Variants in IL19 observed in about 807,000 individuals in gnomAD.
IL19 encodes the protein interleukin-19.
Under a neutral mutation model 19.5 loss-of-function variants are expected in IL19, and 15 were observed. The observed-to-expected ratio is 0.77, with a 90% CI of 0.52 to 1.19. The LOEUF is 1.19. Among genes scored for constraint, IL19 ranks in the 50% most tolerant of loss-of-function variants. The pLI is 0.00. For synonymous variants in IL19, 78 were observed against 78.3 expected (o/e 1.00, Z 0.02); for missense variants, 199 against 213.1 (o/e 0.93, Z 0.41).
rs1676628921 is a variant in IL19 at position 206,832,212 on chromosome 1, C to T, written c.-2-4449C>T. Among the ~76,000 whole-genome samples the T allele has an allele frequency of 2.6e-5, 4 of 152,260 alleles. 1 individual carries two copies. The South Asian group carries it at 8.3e-4, about 32-fold the overall frequency. Reference sequence around the variant, plus strand: ...TTAGCTCCTAACAAAGGTGTCTTCTCCTTTTCCAGGTGCCTGGCACACAGG... The same window carrying T: ...TTAGCTCCTAACAAAGGTGTCTTCTTCTTTTCCAGGTGCCTGGCACACAGG... On this transcript the variant is annotated intron_variant, in intron 2 of 6. Transcript: ENST00000659997.
chr1:206,784,505 G>T (rs1675220156), intron 1 of IL19, among the ~76,000 whole-genome samples: 1 of 152,184 alleles, frequency 6.6e-6, no homozygotes, highest in Non-Finnish European at 1.5e-5. Context: ...CAGCTTTTGC[G>T]TGTGTTCACC....
chr1:206,801,439 C>T (rs944642982), intron 2 of IL19, among the ~76,000 whole-genome samples: 6 of 152,276 alleles, frequency 3.9e-5, no homozygotes, highest in Non-Finnish European at 7.3e-5. Context: ...GTCCTTGTCT[C>T]TTTCCAGCTC....
chr1:206,771,500 A>ATT (rs796741475), intron 1 of IL19: 11 of 958,684 alleles, frequency 1.1e-5, no homozygotes, highest in African/African-American at 3.4e-5. Flanking sequence ...TCATTTAGAG[A>ATT]TTTTTTTTTT....
intron 1 of IL19, among the ~76,000 whole-genome samples, chr1:206,791,941 G>T (rs994627387): frequency 6.6e-6 from 1 of 152,212 alleles, no homozygotes; most frequent in African/African-American, 2.4e-5. Flanking sequence ...GTGTGTGTGT[G>T]TGTGCATTTA....
chr1:206,821,228 T>G (rs1323311165), intron 2 of IL19, among the ~76,000 whole-genome samples: 3 of 152,260 alleles, frequency 2.0e-5, no homozygotes, highest in Admixed American at 2.0e-4. Flanking sequence ...TGATGACAGG[T>G]TCTGGAAGTT....
chr1:206,827,639 CG>C (rs1205071494), intron 2 of IL19, among the ~76,000 whole-genome samples: 2 of 151,004 alleles, frequency 1.3e-5, no homozygotes, highest in African/African-American at 4.9e-5. Flanking sequence ...TGCAGTGAGC[CG>C]AGATCGTGCC....
intron 2 of IL19, among the ~76,000 whole-genome samples, chr1:206,803,530 A>G (rs1301503795): frequency 6.6e-6 from 1 of 152,174 alleles, no homozygotes; most frequent in East Asian, 1.9e-4. Flanking sequence ...AAAGAGTACA[A>G]GCTGGATGCT....
chr1:206,817,236 C>T (rs1393549726), intron 2 of IL19, among the ~76,000 whole-genome samples: 1 of 152,210 alleles, frequency 6.6e-6, no homozygotes, highest in Non-Finnish European at 1.5e-5. Flanking sequence ...GAAGAGATAA[C>T]TGCGCATGCC....
At chr1:206,786,489 C>A (rs1675272454) in intron 1 of IL19, among the ~76,000 whole-genome samples, 1 of 152,128 alleles carries the variant, frequency 6.6e-6, no homozygotes, top group African/African-American at 2.4e-5. Flanking sequence ...AGGCAAGGTT[C>A]TTGGTGGAGT....
chr1:206,794,097 T>G (rs548235131), intron 1 of IL19, among the ~76,000 whole-genome samples: 81 of 152,306 alleles, frequency 5.3e-4, no homozygotes, highest in South Asian at 1.2e-3. Context: ...TTGGACACCA[T>G]GGCCAGGCCA....
chr1:206,800,156 G>GCCTTCTA (rs1405174914), intron 2 of IL19, among the ~76,000 whole-genome samples: 1 of 152,220 alleles, frequency 6.6e-6, no homozygotes, highest in Non-Finnish European at 1.5e-5. Flanking sequence ...TTTATTGAGT[G>GCCTTCTA]CCTTCTACAC....
chr1:206,833,631 G>A (rs41303269), intron 2 of IL19: 1 of 982,360 alleles, frequency 1.0e-6, no homozygotes, highest in Admixed American at 6.1e-5. Flanking sequence ...AGGTAATTTA[G>A]TTAGAGAGTC....
chr1:206,832,472 T>C (rs1279031009), intron 2 of IL19, among the ~76,000 whole-genome samples: 1 of 152,238 alleles, frequency 6.6e-6, no homozygotes, highest in East Asian at 1.9e-4. Flanking sequence ...GTAACCTTTC[T>C]GAGCAAGGCA....
chr1:206,796,797 C>T (rs891689297), intron 1 of IL19, among the ~76,000 whole-genome samples: 11 of 152,298 alleles, frequency 7.2e-5, no homozygotes, highest in Non-Finnish European at 1.3e-4. Context: ...ATATCCCCAC[C>T]GTTAAGTGAC....
At chr1:206,773,925 G>T (rs1216588535) in intron 1 of IL19, among the ~76,000 whole-genome samples, 1 of 152,188 alleles carries the variant, frequency 6.6e-6, no homozygotes, top group East Asian at 1.9e-4. Flanking sequence ...TGTCCCAACA[G>T]GGCAATAGCA....
chr1:206,801,573 A>G (rs1200959019), intron 2 of IL19, among the ~76,000 whole-genome samples: 1 of 152,172 alleles, frequency 6.6e-6, no homozygotes, highest in Non-Finnish European at 1.5e-5. Flanking sequence ...CCTGTCAAGC[A>G]TCACTTATCC....
intron 1 of IL19, among the ~76,000 whole-genome samples, chr1:206,795,181 C>T (rs1306664061): frequency 6.6e-6 from 1 of 152,192 alleles, no homozygotes; most frequent in Non-Finnish European, 1.5e-5. Flanking sequence ...GCCACCAAGG[C>T]TGGTACAGTT....
At chr1:206,823,561 AAAGACACC>A (rs1676349535) in intron 2 of IL19, among the ~76,000 whole-genome samples, 1 of 152,062 alleles carries the variant, frequency 6.6e-6, no homozygotes, top group Non-Finnish European at 1.5e-5. Flanking sequence ...AAAAAAAAAA[AAAGACACC>A]AAGACACCAA....
chr1:206,824,340 G>A (rs545868750), intron 2 of IL19, among the ~76,000 whole-genome samples: 3 of 152,306 alleles, frequency 2.0e-5, no homozygotes, highest in South Asian at 4.1e-4. Context: ...ATGGAATTCC[G>A]AGTGTGAAGT....
Sources: allele counts gnomAD v4.1 joint callset (sites outside exome capture counted in the v4.1 genomes callset), GRCh38; gene constraint gnomAD v4.1.1; transcripts MANE v1.5; gene names NCBI Gene and HGNC (gene_info 2026-07-23, HGNC 2026-07-21).